RBFOX1: variants seen among roughly 807,000 people sequenced by gnomAD.
The protein encoded by RBFOX1 is RNA binding protein fox-1 homolog 1.
A neutral mutation model predicts 57.7 loss-of-function variants in RBFOX1; 8 were observed. That is an observed-to-expected ratio of 0.14 (90% confidence interval 0.08 to 0.25). The LOEUF (loss-of-function observed/expected upper bound fraction) is 0.25. Ranked by LOEUF, RBFOX1 falls within the 10% of genes least tolerant of loss-of-function variation. The probability of loss-of-function intolerance (pLI) is 1.00; values close to 1 mark genes in which losing one functional copy is unlikely to be tolerated. For missense variants in RBFOX1, 611 were observed against 548.5 expected, an observed-to-expected ratio of 1.11 and a Z score of -1.14; for synonymous variants, 326 against 222.4, an observed-to-expected ratio of 1.47 and a Z score of -4.15.
At chr16:5,719,298 T>A (rs1002495165) in intron 3 of RBFOX1, among the ~76,000 whole-genome samples, 1 of 150,714 alleles carries the variant, frequency 6.6e-6, no homozygotes, top group African/African-American at 2.4e-5. Context: ...GCCCCCCTGG[T>A]TCACGCCATT....
intron 4 of RBFOX1, among the ~76,000 whole-genome samples, chr16:7,297,474 G>T (rs775245504): frequency 1.3e-5 from 2 of 152,164 alleles, no homozygotes; most frequent in Non-Finnish European, 2.9e-5. Context: ...GCTGTAAACG[G>T]ATAAGAGATT....
At chr16:6,394,612 G>C (rs1436317060) in intron 2 of RBFOX1, among the ~76,000 whole-genome samples, 3 of 151,536 alleles carry the variant, frequency 2.0e-5, no homozygotes, top group Non-Finnish European at 4.4e-5. Flanking sequence ...AACTTTCCTG[G>C]ATAAACAACT....
At chr16:6,692,309 G>C (rs1450911830) in intron 3 of RBFOX1, among the ~76,000 whole-genome samples, 1 of 146,446 alleles carries the variant, frequency 6.8e-6, no homozygotes, top group Non-Finnish European at 1.5e-5. Context: ...TAACATTAAA[G>C]AGCAGATGTC....
At chr16:7,614,112 A>G (rs1300838364) in intron 10 of RBFOX1, 1 of 152,218 alleles carries the variant, frequency 6.6e-6, no homozygotes, top group Non-Finnish European at 1.5e-5. Context: ...ATCAATGGCC[A>G]TAGGGAGCAG....
chr16:6,614,084 G>C (rs758165520), intron 2 of RBFOX1, among the ~76,000 whole-genome samples: 16 of 152,168 alleles, frequency 1.1e-4, no homozygotes, highest in Non-Finnish European at 1.9e-4. Flanking sequence ...TTTATTGTTT[G>C]TAGATTTTAT....
At chr16:7,316,474 C>G (rs1392861990) in intron 4 of RBFOX1, among the ~76,000 whole-genome samples, 1 of 152,182 alleles carries the variant, frequency 6.6e-6, no homozygotes, top group African/African-American at 2.4e-5. Context: ...TTTACTCACT[C>G]ATTCATGCAG....
chr16:7,294,996 A>G (rs1378376140), intron 4 of RBFOX1, among the ~76,000 whole-genome samples: 1 of 152,196 alleles, frequency 6.6e-6, no homozygotes, highest in East Asian at 1.9e-4. Context: ...ACCTTGCAGG[A>G]TTTTGTGAAG....
At chr16:5,802,552 T>G (rs772783095) in intron 3 of RBFOX1, among the ~76,000 whole-genome samples, 2 of 152,164 alleles carry the variant, frequency 1.3e-5, no homozygotes, top group African/African-American at 2.4e-5. Flanking sequence ...GTGGAACTGC[T>G]TGTTAACCTA....
chr16:5,528,642 C>T (rs373474603), intron 2 of RBFOX1, among the ~76,000 whole-genome samples: 4 of 150,074 alleles, frequency 2.7e-5, no homozygotes, highest in East Asian at 4.0e-4. Flanking sequence ...TTCCCTTCTC[C>T]GCTTCCCCCC....
intron 4 of RBFOX1, among the ~76,000 whole-genome samples, chr16:7,284,358 T>C (rs1259386533): frequency 6.6e-6 from 1 of 152,166 alleles, no homozygotes; most frequent in Non-Finnish European, 1.5e-5. Flanking sequence ...AGATATAGAC[T>C]CCTGCTCTGT....
intron 2 of RBFOX1, among the ~76,000 whole-genome samples, chr16:5,568,036 C>T (rs1596306371): frequency 6.6e-6 from 1 of 152,316 alleles, no homozygotes; most frequent in East Asian, 1.9e-4. Context: ...GACACCAGTA[C>T]CCAGTGATGC....
intron 4 of RBFOX1, among the ~76,000 whole-genome samples, chr16:7,398,447 A>G (rs889574694): frequency 2.0e-5 from 3 of 152,242 alleles, no homozygotes; most frequent in African/African-American, 4.8e-5. Flanking sequence ...TATGGTGGCT[A>G]TGATTATTGC....
chr16:7,508,734 C>T (rs1050906275), intron 4 of RBFOX1, among the ~76,000 whole-genome samples: 3 of 152,130 alleles, frequency 2.0e-5, no homozygotes, highest in African/African-American at 7.2e-5. Context: ...ACCTGCAAAA[C>T]AGACAAGCAG....
chr16:7,452,550 G>A (rs1420991249), intron 4 of RBFOX1, among the ~76,000 whole-genome samples: 1 of 152,144 alleles, frequency 6.6e-6, no homozygotes, highest in African/African-American at 2.4e-5. Flanking sequence ...CCTCAGATCC[G>A]GGGTCTTACC....
chr16:7,579,671 T>C (rs924129148), intron 5 of RBFOX1, 106 bp from the exon 6 acceptor site: 2 of 1,371,436 alleles, frequency 1.5e-6, no homozygotes, highest in Admixed American at 2.0e-5. Context: ...CCTTCTCAGA[T>C]TGCTTAGTTC....
At chr16:7,505,044 T>A (rs1786307874) in intron 4 of RBFOX1, among the ~76,000 whole-genome samples, 1 of 150,634 alleles carries the variant, frequency 6.6e-6, no homozygotes. Flanking sequence ...CGGTGGATGG[T>A]TTTGACCTTG....
intron 3 of RBFOX1, among the ~76,000 whole-genome samples, chr16:6,836,953 T>G (rs2093143385): frequency 6.6e-6 from 1 of 151,868 alleles, no homozygotes; most frequent in Non-Finnish European, 1.5e-5. Flanking sequence ...AGTAGAAGGG[T>G]GGAAGGATGG....
chr16:6,843,540 TTATC>T (rs1006582083), intron 3 of RBFOX1, among the ~76,000 whole-genome samples: 2 of 151,500 alleles, frequency 1.3e-5, no homozygotes, highest in Non-Finnish European at 2.9e-5. Flanking sequence ...TAAAAAAAAA[TTATC>T]TAGGCATGGT....
At chr16:7,685,024 A>G (rs1051206423) in intron 14 of RBFOX1, among the ~76,000 whole-genome samples, 4 of 152,090 alleles carry the variant, frequency 2.6e-5, no homozygotes, top group Admixed American at 6.6e-5. Flanking sequence ...CTTGCCTTGT[A>G]AAGTGTAGTT....
Sources: gnomAD v4.1 joint callset for allele counts (sites outside exome capture counted in the v4.1 genomes callset) on GRCh38, gnomAD v4.1.1 for gene constraint, MANE v1.5 for transcripts, NCBI Gene and HGNC (gene_info 2026-07-23, HGNC 2026-07-21) for gene names.